SRSF11: variants seen among roughly 807,000 people sequenced by gnomAD.
SRSF11 encodes the protein serine/arginine-rich splicing factor 11.
A neutral mutation model predicts 56.0 loss-of-function variants in SRSF11; 9 were observed. The ratio of observed to expected loss-of-function variants is 0.16; its 90% CI spans 0.10 to 0.28. SRSF11 has a LOEUF of 0.28. Among genes scored for constraint, SRSF11 ranks in the 10% least tolerant of loss-of-function variants. The pLI is 1.00. For synonymous variants in SRSF11, 222 were observed against 215.3 expected (o/e 1.03, Z -0.27); for missense variants, 421 against 600.7 (o/e 0.70, Z 3.13).
At chr1:70,233,231 T>TTTTTG (rs1673219169) in intron 3 of SRSF11, among the ~76,000 whole-genome samples, 1 of 152,026 alleles carries the variant, frequency 6.6e-6, no homozygotes, top group African/African-American at 2.4e-5. Flanking sequence ...TTTTGTTTGT[T>TTTTTG]TTTTGTTTTG....
Position 70,208,459 on chromosome 1 carries a change from A to C in SRSF11, c.-26+2679A>C, listed in dbSNP as rs564679747. On this transcript the variant is annotated intron_variant, in intron 1 of 12. Coordinates refer to the SRSF11 transcript ENST00000370950. ...GTGATTTCTCCTGCCTCAGCCTCCC[A>C]AGAAGCTGGCATTACAGGTACGCAC... 1.2e-3 allele frequency among the ~76,000 whole-genome samples: 190 copies of C among 152,070 alleles called. 1 individual carries two copies. The highest frequency in any genetic ancestry group is 4.4e-3 in the African/African-American group (182 of 41,468).
At chr1:70,206,405 G>A (rs1361261658) in intron 1 of SRSF11, among the ~76,000 whole-genome samples, 1 of 151,704 alleles carries the variant, frequency 6.6e-6, no homozygotes, top group African/African-American at 2.4e-5. Flanking sequence ...TTTGAAATAA[G>A]TGAAGATAAA....
rs902769547 is a variant in SRSF11 at position 70,252,446 on chromosome 1, G to A, written c.*1641G>A. 6.6e-6 allele frequency: 1 copy of A among 152,030 alleles called. No homozygotes were observed. Among genetic ancestry groups the A allele is most frequent in the Admixed American group, 6.6e-5 (1 of 15,266 alleles). The allele number at this position is 152,030 out of a possible 1,614,324, so 9.4% of individuals were successfully genotyped here. ...TGGGGTTAAGGGAAAATGAGACTTG[G>A]AATTGTAGCTTTTATCCAAGTTTTG... On this transcript the variant is annotated 3_prime_UTR_variant, in exon 12 of 12. Coordinates refer to ENST00000370949, the MANE Select transcript of SRSF11 (RefSeq NM_001350605.2).
chr1:70,218,053 G>T (rs528348073), upstream of SRSF11, among the ~76,000 whole-genome samples: 80 of 152,088 alleles, frequency 5.3e-4, no homozygotes, highest in Admixed American at 1.9e-3. Flanking sequence ...GCAGGGACGC[G>T]ATCTCGGTTC....
chr1:70,240,741 T>C (rs1223379268), intron 7 of SRSF11, among the ~76,000 whole-genome samples: 1 of 151,922 alleles, frequency 6.6e-6, no homozygotes, highest in Non-Finnish European at 1.5e-5. Context: ...CAGTTTCAGC[T>C]TCACTTTACA....
In SRSF11 at chr1:70,251,002, T is replaced by A. The variant is rs1007751646; in HGVS notation, c.*197T>A. On this transcript the variant is annotated 3_prime_UTR_variant, in exon 12 of 12. Coordinates refer to ENST00000370949, the MANE Select transcript of SRSF11 (RefSeq NM_001350605.2). ...AAAATGGTACGAGGTAACCAATTCTTGTCATGGTGAAATCTGATTGAGTAA... is the reference window on the plus strand; with the variant it reads ...AAAATGGTACGAGGTAACCAATTCTAGTCATGGTGAAATCTGATTGAGTAA... 1 of 528,468 alleles carries A rather than the reference T, an allele frequency of 1.9e-6. No individual in the cohort carries two copies. Among genetic ancestry groups the A allele is most frequent in the African/African-American group, 1.9e-5 (1 of 52,868 alleles). The allele number at this position is 528,468 out of a possible 1,614,324, so 32.7% of individuals were successfully genotyped here.
chr1:70,249,927 C>A (rs759237795), intron 9 of SRSF11, 25 bp from the exon 10 acceptor site: 1 of 1,610,576 alleles, frequency 6.2e-7, no homozygotes, highest in Non-Finnish European at 8.5e-7. Context: ...ATTTTAAAAC[C>A]TAGTTTGCAC....
intron 1 of SRSF11, 23 bp from the exon 2 acceptor site, chr1:70,228,399 T>A (rs747304963): frequency 1.9e-6 from 3 of 1,573,184 alleles, no homozygotes; most frequent in Non-Finnish European, 2.6e-6. Context: ...GTTTCTCTTT[T>A]ATGTTATTTG....
At chr1:70,221,078 A>G (rs1670502794), upstream of SRSF11, 1 of 152,222 alleles carries the variant, frequency 6.6e-6, no homozygotes, top group Non-Finnish European at 1.5e-5. Flanking sequence ...TCTGTAGATG[A>G]TTATCAGTAT....
intron 7 of SRSF11, 145 bp from the exon 8 acceptor site, chr1:70,244,539 G>A (rs1490121158): frequency 1.2e-6 from 1 of 840,530 alleles, no homozygotes; most frequent in South Asian, 2.0e-5. Flanking sequence ...TTTGTTCTAT[G>A]GGCTAAATAA....
intron 7 of SRSF11, among the ~76,000 whole-genome samples, chr1:70,242,101 G>A (rs1435079327): frequency 2.6e-5 from 4 of 151,616 alleles, no homozygotes; most frequent in East Asian, 2.0e-4. Flanking sequence ...CCCCGGAGGC[G>A]GGGATTGCAG....
chr1:70,225,181 C>A (rs1671496409), intron 1 of SRSF11, among the ~76,000 whole-genome samples: 1 of 152,174 alleles, frequency 6.6e-6, no homozygotes, highest in African/African-American at 2.4e-5. Context: ...TGAAGTATGT[C>A]ACAGTTATGC....
intron 1 of SRSF11, among the ~76,000 whole-genome samples, chr1:70,207,157 G>C (rs1669121901): frequency 6.6e-6 from 1 of 152,034 alleles, no homozygotes; most frequent in South Asian, 2.1e-4. Context: ...CTCCCAAAGT[G>C]CTGGGATTAC....
Position 70,235,481 on chromosome 1 carries a change from C to A in SRSF11, c.541-20C>A, listed in dbSNP as rs201512450. On this transcript the variant is annotated intron_variant, in intron 4 of 11. Transcript: ENST00000370949. ...TATTGTTTTATGTATTCTCATTATT[C>A]TTATGTTTTATTTTTACAGTCTCTT... 1.9e-6 allele frequency: 3 copies of A among 1,564,348 alleles called. No homozygotes were observed. Among genetic ancestry groups the A allele is most frequent in the Non-Finnish European group, 2.6e-6 (3 of 1,143,890 alleles).
intron 1 of SRSF11, among the ~76,000 whole-genome samples, chr1:70,207,904 C>G (rs780886622): frequency 2.0e-5 from 3 of 151,698 alleles, no homozygotes; most frequent in Non-Finnish European, 2.9e-5. Context: ...TTTGTAGAAA[C>G]GAGTCTGTGT....
At chr1:70,240,319 T>G (rs541109984) in intron 7 of SRSF11, among the ~76,000 whole-genome samples, 2 of 152,316 alleles carry the variant, frequency 1.3e-5, no homozygotes, top group African/African-American at 4.8e-5. Flanking sequence ...TTTCTTTTAC[T>G]GCAAGTGCAT....
chr1:70,224,110 G>C (rs1671237135), intron 1 of SRSF11, among the ~76,000 whole-genome samples: 1 of 152,176 alleles, frequency 6.6e-6, no homozygotes, highest in South Asian at 2.1e-4. Context: ...AAGTATGCAA[G>C]AGGATGTGCA....
intron 2 of SRSF11, chr1:70,229,975 TC>T: frequency 6.1e-6 from 6 of 985,278 alleles, no homozygotes; most frequent in Non-Finnish European, 7.2e-6. Context: ...GATAAGACCA[TC>T]AACAGAAAAT....
At chr1:70,210,353 C>T (rs2100454932) in intron 1 of SRSF11, among the ~76,000 whole-genome samples, 1 of 151,996 alleles carries the variant, frequency 6.6e-6, no homozygotes, top group Admixed American at 6.5e-5. Context: ...GACAGGGTCT[C>T]CCCATATTGC....
Sources: gnomAD v4.1 joint callset for allele counts (sites outside exome capture counted in the v4.1 genomes callset) on GRCh38, gnomAD v4.1.1 for gene constraint, MANE v1.5 for transcripts, NCBI Gene and HGNC (gene_info 2026-07-23, HGNC 2026-07-21) for gene names.